Variants in PTPRT observed in about 807,000 individuals in gnomAD.
PTPRT encodes the protein protein tyrosine phosphatase receptor type T.
Under a neutral mutation model 176.8 loss-of-function variants are expected in PTPRT, and 56 were observed. That is an observed-to-expected ratio of 0.32 (90% CI 0.26 to 0.40). The LOEUF is 0.40. PTPRT is among the 10% of genes least tolerant of loss of function. The pLI is 1.00. For synonymous variants in PTPRT, 783 were observed against 739.0 expected, an observed-to-expected ratio of 1.06 and a Z score of -0.96; for missense variants, 1,540 against 1,908.2, an observed-to-expected ratio of 0.81 and a Z score of 3.60.
At chr20:42,228,234 A>C (rs2056062156) in intron 15 of PTPRT, among the ~76,000 whole-genome samples, 1 of 152,254 alleles carries the variant, frequency 6.6e-6, no homozygotes, top group Non-Finnish European at 1.5e-5. Context: ...AACATAATAA[A>C]ACTTAAACTT....
chr20:42,268,870 A>G (rs1213108352), intron 13 of PTPRT, among the ~76,000 whole-genome samples: 1 of 152,102 alleles, frequency 6.6e-6, no homozygotes, highest in Non-Finnish European at 1.5e-5. Flanking sequence ...GGCGGGTGTG[A>G]CTACTCTCCA....
chr20:42,526,964 T>TC lies in PTPRT; in HGVS notation c.1154-54403_1154-54402insG, dbSNP rs1473027541. The stretch of plus-strand genomic sequence containing the variant: ...CTTCTTGGTTCTTTTTTCTTTTTTT[T>TC]TTTTTTTTTTTTTTTTTGAGATGGA... On this transcript the variant is annotated intron_variant, in intron 7 of 30. Coordinates refer to ENST00000373187, the MANE Select transcript of PTPRT (RefSeq NM_007050.6). Among the ~76,000 whole-genome samples, 95 of 128,030 alleles carry TC rather than the reference T, an allele frequency of 7.4e-4. 1 individual carries two copies. In the East Asian group the frequency reaches 0.014, roughly 19 times the overall value. The allele number at this position is 128,030 out of a possible 152,430, so 84.0% of individuals were successfully genotyped here. A position where few individuals can be genotyped will look rare whatever the true frequency, so the allele number is the denominator to read the frequency against.
intron 7 of PTPRT, among the ~76,000 whole-genome samples, chr20:42,586,824 G>A (rs565864927): frequency 6.6e-6 from 1 of 152,216 alleles, no homozygotes; most frequent in South Asian, 2.1e-4. Flanking sequence ...TATATAACCC[G>A]AGACAGGGTG....
intron 7 of PTPRT, among the ~76,000 whole-genome samples, chr20:42,590,886 C>T (rs2073557507): frequency 6.7e-6 from 1 of 149,420 alleles, no homozygotes; most frequent in Non-Finnish European, 1.5e-5. Context: ...AATGAAACAT[C>T]AAAAAGTGCA....
chr20:42,162,395 G>A (rs1202059341), intron 16 of PTPRT, among the ~76,000 whole-genome samples: 1 of 152,150 alleles, frequency 6.6e-6, no homozygotes, highest in Non-Finnish European at 1.5e-5. Context: ...ACTGCCTTCT[G>A]TCAGTTTGGT....
chr20:43,012,730 G>A (rs1985190007), intron 1 of PTPRT, among the ~76,000 whole-genome samples: 1 of 152,092 alleles, frequency 6.6e-6, no homozygotes, highest in African/African-American at 2.4e-5. Flanking sequence ...CCTCGCCCTG[G>A]GGAGTTGGCT....
intron 16 of PTPRT, among the ~76,000 whole-genome samples, chr20:42,184,645 C>T (rs1317554424): frequency 6.8e-6 from 1 of 146,544 alleles, no homozygotes; most frequent in Non-Finnish European, 1.5e-5. Context: ...CTCTCTCTCT[C>T]TCGATAGAGT....
chr20:42,141,520 G>A (rs914393207), intron 18 of PTPRT, among the ~76,000 whole-genome samples: 11 of 152,348 alleles, frequency 7.2e-5, no homozygotes, highest in Admixed American at 2.0e-4. Flanking sequence ...AATTAGAGGA[G>A]CTTCTGGGAA....
intron 7 of PTPRT, among the ~76,000 whole-genome samples, chr20:42,490,534 T>G (rs1439442177): frequency 6.6e-6 from 1 of 152,186 alleles, no homozygotes; most frequent in Non-Finnish European, 1.5e-5. Flanking sequence ...AGACATGCTA[T>G]TGATTTTTAT....
At chr20:42,301,685 A>G (rs1429215639) in intron 12 of PTPRT, among the ~76,000 whole-genome samples, 1 of 152,196 alleles carries the variant, frequency 6.6e-6, no homozygotes, top group Non-Finnish European at 1.5e-5. Flanking sequence ...AGAGGGAGAG[A>G]GAGAAAATGG....
intron 1 of PTPRT, among the ~76,000 whole-genome samples, chr20:43,102,148 C>T (rs997016226): frequency 6.6e-6 from 1 of 152,094 alleles, no homozygotes. Flanking sequence ...CATGACATTG[C>T]TGATGAAGTC....
intron 14 of PTPRT, among the ~76,000 whole-genome samples, chr20:42,237,665 C>T (rs1364201927): frequency 1.3e-5 from 2 of 152,248 alleles, no homozygotes; most frequent in South Asian, 2.1e-4. Flanking sequence ...AATGTTCCTA[C>T]TGGCTCCTGG....
intron 1 of PTPRT, among the ~76,000 whole-genome samples, chr20:43,150,257 T>A (rs191910782): frequency 6.6e-6 from 1 of 152,278 alleles, no homozygotes; most frequent in Non-Finnish European, 1.5e-5. Flanking sequence ...ATTATTTGCA[T>A]AAGCTATGGC....
chr20:42,272,823 C>T (rs1472285640), intron 13 of PTPRT, among the ~76,000 whole-genome samples: 2 of 152,186 alleles, frequency 1.3e-5, no homozygotes, highest in Admixed American at 1.3e-4. Flanking sequence ...GCCTACTAGC[C>T]ATCATTCCTT....
rs752734930 is a variant in PTPRT, at chr20:42,104,586, T to C, written c.3523A>G (p.Ile1175Val). The stretch of plus-strand genomic sequence containing the variant: ...GCTCATACCTGAAATTCATCTTTGA[T>C]TTGGCTGGAGTTTGTCTGGGGGTCC... Reference protein sequence around the residue: ...RLDPQTNSSQIKDEFQTLNIV... With the variant: ...RLDPQTNSSQVKDEFQTLNIV... Residue 1175 changes from isoleucine to valine, a missense_variant, in exon 25 of 31, where the codon ATC becomes GTC. Ile to Val is a conservative substitution (Grantham distance 29). Around this residue, in one of 11 missense-constraint regions of PTPRT, gnomAD observed 342 missense variants for 394.0 expected, o/e 0.87. Coordinates refer to ENST00000373187, the MANE Select transcript of PTPRT (RefSeq NM_007050.6). 25 of 1,612,910 alleles carry C rather than the reference T, an allele frequency of 1.5e-5. No individual in the cohort carries two copies. The highest frequency in any genetic ancestry group is 2.0e-5 in the Non-Finnish European group (24 of 1,179,186).
Position 43,066,489 on chromosome 20 carries a change from A to G in PTPRT, c.88+123157T>C, listed in dbSNP as rs80149289. 3.3e-5 allele frequency among the ~76,000 whole-genome samples: 5 copies of G among 152,264 alleles called. No individual in the cohort carries two copies. In the East Asian group the frequency reaches 9.7e-4, roughly 29 times the overall value. ...AACACTGGTGCAGGAATAAGTCGGT[A>G]TGCTTTTCTGAATCTGAGAAAGCCT... On this transcript the variant is annotated intron_variant, in intron 1 of 30. Coordinates refer to ENST00000373187, the MANE Select transcript of PTPRT (RefSeq NM_007050.6).
chr20:42,651,160 T>C (rs150202838), intron 7 of PTPRT, among the ~76,000 whole-genome samples: 1 of 152,266 alleles, frequency 6.6e-6, no homozygotes, highest in Non-Finnish European at 1.5e-5. Context: ...ATTTGGTATA[T>C]ATTATTGTGA....
chr20:42,500,450 A>AT (rs1392931702), intron 7 of PTPRT, among the ~76,000 whole-genome samples: 1 of 152,094 alleles, frequency 6.6e-6, no homozygotes, highest in Non-Finnish European at 1.5e-5. Context: ...GCATATTACT[A>AT]TTTATAATTT....
At chr20:42,041,090 C>T in the PTPRT span, among the ~76,000 whole-genome samples, 20,740 of 152,114 alleles carry the variant, frequency 0.14, 1,833 homozygotes, top group Non-Finnish European at 0.2. Context: ...TAGTTCTGTT[C>T]GCATCTTTTT....
Sources: allele counts gnomAD v4.1 joint callset (sites outside exome capture counted in the v4.1 genomes callset), GRCh38; gene constraint gnomAD v4.1.1; regional missense constraint gnomAD v4.1.1; transcripts MANE v1.5; gene names NCBI Gene and HGNC (gene_info 2026-07-23, HGNC 2026-07-21).